Variants in APBA1 observed in about 807,000 individuals in gnomAD.
APBA1 encodes amyloid beta precursor protein binding family A member 1, also known as amyloid-beta A4 precursor protein-binding family A member 1.
A neutral mutation model predicts 86.6 loss-of-function variants in APBA1; 55 were observed. The observed-to-expected ratio is 0.64, with a 90% confidence interval of 0.51 to 0.80. The LOEUF is 0.80. Among genes scored for constraint, APBA1 ranks in the 30% least tolerant of loss-of-function variants. APBA1 has a pLI of 0.00. For synonymous variants in APBA1, 511 were observed against 493.9 expected, an observed-to-expected ratio of 1.03 and a Z score of -0.46; for missense variants, 1,090 against 1,183.0, an observed-to-expected ratio of 0.92 and a Z score of 1.15.
chr9:69,448,878 A>G (rs1834955671), intron 10 of APBA1, among the ~76,000 whole-genome samples: 1 of 152,212 alleles, frequency 6.6e-6, no homozygotes, highest in South Asian at 2.1e-4. Flanking sequence ...GCAAGTCCCA[A>G]TGTGCTCAAA....
chr9:69,541,709 A>G (rs909409672), intron 1 of APBA1, among the ~76,000 whole-genome samples: 2 of 152,176 alleles, frequency 1.3e-5, no homozygotes, highest in African/African-American at 4.8e-5. Flanking sequence ...ATAAGTTAGT[A>G]ATAAAAACCT....
At chr9:69,442,487 G>A (rs186996107) in intron 10 of APBA1, among the ~76,000 whole-genome samples, 20 of 152,260 alleles carry the variant, frequency 1.3e-4, no homozygotes, top group Non-Finnish European at 1.8e-4. Context: ...GAGGAGAGGT[G>A]GGTAACTTTT....
At chr9:69,466,329 T>C (rs1260651687) in intron 5 of APBA1, among the ~76,000 whole-genome samples, 2 of 152,276 alleles carry the variant, frequency 1.3e-5, no homozygotes, top group Non-Finnish European at 2.9e-5. Context: ...TTGGTGATGG[T>C]ATGAGCTATT....
At chr9:69,574,129 T>C (rs765839524) in intron 1 of APBA1, among the ~76,000 whole-genome samples, 4 of 152,228 alleles carry the variant, frequency 2.6e-5, no homozygotes, top group Non-Finnish European at 5.9e-5. Context: ...CCCCTAGATA[T>C]ATTTAAGACA....
intron 1 of APBA1, among the ~76,000 whole-genome samples, chr9:69,626,244 G>T (rs1372153276): frequency 6.6e-6 from 1 of 152,142 alleles, no homozygotes; most frequent in Admixed American, 6.6e-5. Flanking sequence ...GGACCAAAAA[G>T]TAAACAGCAG....
chr9:69,618,963 G>C (rs991179193), intron 1 of APBA1, among the ~76,000 whole-genome samples: 1 of 152,206 alleles, frequency 6.6e-6, no homozygotes, highest in African/African-American at 2.4e-5. Flanking sequence ...CCCATGGGCT[G>C]TGTGAAAAGT....
intron 12 of APBA1, among the ~76,000 whole-genome samples, chr9:69,431,896 GACTGACAGCAGTGGTA>G (rs1003604129): frequency 7.2e-5 from 11 of 152,204 alleles, no homozygotes; most frequent in South Asian, 2.1e-4. Context: ...CAGCAGTGAT[GACTGACAGCAGTGGTA>G]ACTGACAGCA....
chr9:69,448,434 G>T (rs150878090), intron 10 of APBA1, among the ~76,000 whole-genome samples: 1 of 152,240 alleles, frequency 6.6e-6, no homozygotes, highest in East Asian at 1.9e-4. Flanking sequence ...ATTTATTTAA[G>T]TATAAGATAT....
intron 1 of APBA1, among the ~76,000 whole-genome samples, chr9:69,560,200 C>T (rs931556545): frequency 6.6e-6 from 1 of 152,146 alleles, no homozygotes; most frequent in Non-Finnish European, 1.5e-5. Context: ...TTTTGAACTG[C>T]CACTTCTTTT....
intron 1 of APBA1, among the ~76,000 whole-genome samples, chr9:69,543,547 G>A (rs1465817295): frequency 6.6e-6 from 1 of 152,156 alleles, no homozygotes; most frequent in African/African-American, 2.4e-5. Flanking sequence ...AGGCTGAGAA[G>A]GTCATGCCAG....
chr9:69,592,715 T>C (rs1822154019), intron 1 of APBA1, among the ~76,000 whole-genome samples: 1 of 152,256 alleles, frequency 6.6e-6, no homozygotes, highest in African/African-American at 2.4e-5. Context: ...ATGTAAGACA[T>C]GCTTGCTTCC....
rs1834554662 is a variant in APBA1 at position 69,429,677 on chromosome 9, G to C, written c.*1650C>G. 1 of 151,986 alleles carries C rather than the reference G, an allele frequency of 6.6e-6. No homozygotes were observed. Among genetic ancestry groups the C allele is most frequent in the Non-Finnish European group, 1.5e-5 (1 of 68,006 alleles). The allele number at this position is 151,986 out of a possible 1,614,324, so 9.4% of individuals were successfully genotyped here. A position where few individuals can be genotyped will look rare whatever the true frequency, so the allele number is the denominator to read the frequency against. On this transcript the variant is annotated 3_prime_UTR_variant, in exon 13 of 13. Transcript: ENST00000265381. ...GTTGAAGTCTCTTGTCCCTAATCTT[G>C]TTATAGTCACTTTGCTCCCTCCTTA...
intron 3 of APBA1, among the ~76,000 whole-genome samples, chr9:69,474,940 A>G (rs1835418983): frequency 6.6e-6 from 1 of 152,200 alleles, no homozygotes; most frequent in East Asian, 1.9e-4. Context: ...AAAATGAGGG[A>G]AAAGGAAACC....
intron 1 of APBA1, among the ~76,000 whole-genome samples, chr9:69,543,191 A>C (rs1207612634): frequency 1.3e-5 from 2 of 151,492 alleles, no homozygotes; most frequent in African/African-American, 4.9e-5. Context: ...CCCTAATTGG[A>C]GGGAGCCCCT....
intron 1 of APBA1, among the ~76,000 whole-genome samples, chr9:69,560,105 C>T (rs1564077299): frequency 6.6e-6 from 1 of 152,186 alleles, no homozygotes; most frequent in Non-Finnish European, 1.5e-5. Flanking sequence ...ACATCAACTG[C>T]CCCTGCATGC....
chr9:69,542,629 G>A (rs1285119352), intron 1 of APBA1, among the ~76,000 whole-genome samples: 2 of 152,176 alleles, frequency 1.3e-5, no homozygotes, highest in Admixed American at 6.5e-5. Context: ...AACTCATTTG[G>A]GTAAATAGCA....
chr9:69,568,868 T>A (rs1293266391), intron 1 of APBA1, among the ~76,000 whole-genome samples: 1 of 152,174 alleles, frequency 6.6e-6, no homozygotes, highest in Non-Finnish European at 1.5e-5. Context: ...GTGACTGGCA[T>A]GAGAAAGTAC....
Position 69,607,746 on chromosome 9 carries a change from GACTA to G in APBA1, c.-70+64403_-70+64406del, listed in dbSNP as rs371765585. ...CCAATAAATGGCTGATGGGAGGTAA[GACTA>G]ACTAGTGTTTAGATCCAGCTGTGGC... On this transcript the variant is annotated intron_variant, in intron 1 of 12. Coordinates refer to ENST00000265381, the MANE Select transcript of APBA1 (RefSeq NM_001163.4). Among the ~76,000 whole-genome samples the G allele has an allele frequency of 4.8e-3, 738 of 152,314 alleles. 7 individuals are homozygous for G. The highest frequency in any genetic ancestry group is 0.017 in the African/African-American group (690 of 41,564).
intron 2 of APBA1, among the ~76,000 whole-genome samples, chr9:69,498,481 T>G (rs10867671): frequency 6.6e-6 from 1 of 151,972 alleles, no homozygotes; most frequent in Non-Finnish European, 1.5e-5. Context: ...TACACAGCAA[T>G]AGATAATTAA....
Sources: allele counts gnomAD v4.1 joint callset (sites outside exome capture counted in the v4.1 genomes callset), GRCh38; gene constraint gnomAD v4.1.1; transcripts MANE v1.5; gene names NCBI Gene and HGNC (gene_info 2026-07-23, HGNC 2026-07-21).